Variants in FAM83G observed in about 807,000 individuals in gnomAD.
FAM83G encodes the protein protein FAM83G.
A neutral mutation model predicts 61.5 loss-of-function variants in FAM83G; 38 were observed. That is an observed-to-expected ratio of 0.62 (90% CI 0.48 to 0.81). The LOEUF is 0.81. FAM83G is among the 30% of genes least tolerant of loss of function. FAM83G has a pLI of 0.00. For synonymous variants in FAM83G, 470 were observed against 476.1 expected, an observed-to-expected ratio of 0.99 and a Z score of 0.17; for missense variants, 989 against 1,133.6, an observed-to-expected ratio of 0.87 and a Z score of 1.83.
intron 5 of FAM83G, chr17:18,977,321 G>C (rs1177541801): frequency 1.7e-6 from 1 of 579,852 alleles, no homozygotes; most frequent in African/African-American, 1.9e-5. Flanking sequence ...AGGCTTTGGA[G>C]ACCTCTAGGT....
Position 18,971,770 on chromosome 17 carries a change from G to A in FAM83G, c.2083-22C>T. 1 of 1,535,426 alleles carries A rather than the reference G, an allele frequency of 6.5e-7. No individual in the cohort carries two copies. Among genetic ancestry groups the A allele is most frequent in the Non-Finnish European group, 8.8e-7 (1 of 1,140,346 alleles). ...GGCCCTGGGAGAGAGAGAGCAGAGA[G>A]TGAGGCTGAGCAAGAAGGGCCAACC... On this transcript the variant is annotated intron_variant, in intron 5 of 5. Coordinates refer to ENST00000388995, the MANE Select transcript of FAM83G (RefSeq NM_001039999.3). This position sits in a 1 kb window ranked among gnomAD's most constrained non-coding sequence, Gnocchi z 5.5.
At chr17:18,992,519 C>A (rs2043454204) in intron 2 of FAM83G, among the ~76,000 whole-genome samples, 1 of 152,218 alleles carries the variant, frequency 6.6e-6, no homozygotes, top group South Asian at 2.1e-4. Flanking sequence ...TGGCTGCTGG[C>A]GTTGGGGGTG....
chr17:18,970,972 G>A lies in FAM83G; in HGVS notation c.*387C>T, dbSNP rs1349160638. The A allele has an allele frequency of 1.3e-5, 20 of 1,595,996 alleles. No homozygotes were observed. The highest frequency in any genetic ancestry group is 6.7e-5 in the African/African-American group (5 of 74,544). ...GGGGAGCCCAGGGAGTCAGGGCCCCGCAACCACCAAACTGTCCCTGTTCCA... is the reference window on the plus strand; with the variant it reads ...GGGGAGCCCAGGGAGTCAGGGCCCCACAACCACCAAACTGTCCCTGTTCCA... On this transcript the variant is annotated 3_prime_UTR_variant, in exon 6 of 6. Coordinates refer to ENST00000388995, the MANE Select transcript of FAM83G (RefSeq NM_001039999.3).
intron 4 of FAM83G, 65 bp downstream of exon 4, chr17:18,979,484 G>T: frequency 2.5e-6 from 4 of 1,588,188 alleles, no homozygotes; most frequent in Non-Finnish European, 2.6e-6. Context: ...TTAGGATTAA[G>T]GGCAGAAGCC....
At chr17:18,994,638 C>T (rs113369484) in intron 2 of FAM83G, among the ~76,000 whole-genome samples, 18 of 152,282 alleles carry the variant, frequency 1.2e-4, no homozygotes, top group African/African-American at 4.1e-4. Context: ...AGTGTATGTG[C>T]CCCCAGCCAG....
At chr17:18,995,341 C>G (rs759807426) in intron 2 of FAM83G, among the ~76,000 whole-genome samples, 2 of 151,724 alleles carry the variant, frequency 1.3e-5, no homozygotes, top group East Asian at 3.9e-4. Context: ...ACATTTAAGA[C>G]GAAAAATATA....
intron 3 of FAM83G, among the ~76,000 whole-genome samples, chr17:18,984,893 C>A (rs1776441371): frequency 1.3e-5 from 2 of 152,248 alleles, no homozygotes; most frequent in African/African-American, 2.4e-5. Context: ...GCCACTGGGG[C>A]CGGCCAGGGC....
At position 18,996,475 on chromosome 17, in the gene FAM83G, C is replaced by A. The variant is rs568365516; in HGVS notation, c.522+7045G>T. Among the ~76,000 whole-genome samples the A allele has an allele frequency of 6.6e-6, 1 of 152,124 alleles. No individual in the cohort carries two copies. The highest frequency in any genetic ancestry group is 1.5e-5 in the Non-Finnish European group (1 of 68,004). On this transcript the variant is annotated intron_variant, in intron 2 of 5. Transcript: ENST00000388995. The surrounding 1 kb of genome is among the most constrained non-coding windows in gnomAD (Gnocchi z 4.4). Reference sequence around the variant, plus strand: ...TAGGATCCCTGGGTGGTGCTCCCTGCCACCTCCTGGCAATCTCCAAACCAG... The same window carrying A: ...TAGGATCCCTGGGTGGTGCTCCCTGACACCTCCTGGCAATCTCCAAACCAG...
At position 19,003,103 on chromosome 17, in the gene FAM83G, C is replaced by T. The variant is rs1032938644; in HGVS notation, c.522+417G>A. ...ACTTGGACCATGCCTATTCCCTCAC[C>T]CCACAACAAAAGCTCTCCCCACCAG... On this transcript the variant is annotated intron_variant, in intron 2 of 5. Coordinates refer to ENST00000388995, the MANE Select transcript of FAM83G (RefSeq NM_001039999.3). The surrounding 1 kb of genome is among the most constrained non-coding windows in gnomAD (Gnocchi z 4.5). Among the ~76,000 whole-genome samples the T allele has an allele frequency of 1.3e-5, 2 of 152,016 alleles. No homozygotes were observed. Among genetic ancestry groups the T allele is most frequent in the Middle Eastern group, 3.2e-3 (1 of 316 alleles).
chr17:18,997,995 C>T (rs1399800537), intron 2 of FAM83G, among the ~76,000 whole-genome samples: 1 of 152,256 alleles, frequency 6.6e-6, no homozygotes, highest in Non-Finnish European at 1.5e-5. Context: ...CAACTATCTC[C>T]AAGCAGCCAC....
In FAM83G at chr17:18,978,124, A is replaced by C. The variant is rs779965346; in HGVS notation, c.1542T>G (p.Asp514Glu). 1 of 1,518,120 alleles carries C rather than the reference A, an allele frequency of 6.6e-7. No individual in the cohort carries two copies. Among genetic ancestry groups the C allele is most frequent in the Admixed American group, 2.2e-5 (1 of 46,072 alleles). The allele number at this position is 1,518,120 out of a possible 1,614,324, so 94.0% of individuals were successfully genotyped here. A position where few individuals can be genotyped will look rare whatever the true frequency, so the allele number is the denominator to read the frequency against. Residue 514 changes from aspartate to glutamate, a missense_variant, in exon 5 of 6, where the codon GAT becomes GAG. Transcript: ENST00000388995. ...VPKPRTVPVA[D>E]VLARDSSDIG... ...TATCACTGCTGTCCCGGGCTAGTAC[A>C]TCTGCCACAGGGACTGTCCGGGGCT...
chr17:18,988,201 T>C, intron 3 of FAM83G, 46 bp downstream of exon 3: 1 of 1,591,418 alleles, frequency 6.3e-7, no homozygotes, highest in Middle Eastern at 1.9e-4. Flanking sequence ...ACAGACTGAA[T>C]GACCCCTGCC....
At chr17:18,986,971 C>G (rs2043286571) in intron 3 of FAM83G, among the ~76,000 whole-genome samples, 1 of 152,180 alleles carries the variant, frequency 6.6e-6, no homozygotes, top group Non-Finnish European at 1.5e-5. Flanking sequence ...GGGCTTGGGG[C>G]CAACCCACCA....
At position 18,977,543 on chromosome 17, in the gene FAM83G, GAGGGACTCGTGACCCCTGGTGTGC is replaced by G; in HGVS notation, c.2082+17_2082+40del. 1 of 1,572,296 alleles carries G rather than the reference GAGGGACTCGTGACCCCTGGTGTGC, an allele frequency of 6.4e-7. No individual in the cohort carries two copies. Among genetic ancestry groups the G allele is most frequent in the South Asian group, 1.2e-5 (1 of 86,338 alleles). ...CTCGAGCTCTTGGGTGGCTGGCAGG[GAGGGACTCGTGACCCCTGGTGTGC>G]AGGGACCCTGACCCACCTGTGCCTC... On this transcript the variant is annotated intron_variant, in intron 5 of 5. Transcript: ENST00000388995.
chr17:19,003,387 G>T lies in FAM83G; in HGVS notation c.522+133C>A. 2.0e-6 allele frequency: 2 copies of T among 985,950 alleles called. No homozygotes were observed. The highest frequency in any genetic ancestry group is 2.7e-6 in the Non-Finnish European group (2 of 732,202). The allele number at this position is 985,950 out of a possible 1,614,324, so 61.1% of individuals were successfully genotyped here. On this transcript the variant is annotated intron_variant, in intron 2 of 5. Transcript: ENST00000388995. The surrounding 1 kb of genome is among the most constrained non-coding windows in gnomAD (Gnocchi z 4.5). ...TGGGGAGGAAACCTCCACCCAAGAG[G>T]CAGCCAGGGAAAACAGCAGAGATCC...
Position 18,970,789 on chromosome 17 carries a change from A to C in FAM83G, c.*570T>G. 1.8e-6 allele frequency: 1 copy of C among 567,582 alleles called. No individual in the cohort carries two copies. Among genetic ancestry groups the C allele is most frequent in the South Asian group, 2.2e-5 (1 of 46,190 alleles). 35.2% of individuals were successfully genotyped at this position (567,582 alleles called of 1,614,324 possible). On this transcript the variant is annotated 3_prime_UTR_variant, in exon 6 of 6. Coordinates refer to ENST00000388995, the MANE Select transcript of FAM83G (RefSeq NM_001039999.3). ...GTGCCCATGTGCAAAATGCTTACTT[A>C]ATAGTATTATTTTAAATACGAATAA...
rs573983893 is a variant in FAM83G, at chr17:18,969,972, G to A, written c.*1387C>T. 5 of 152,736 alleles carry A rather than the reference G, an allele frequency of 3.3e-5. No homozygotes were observed. The highest frequency in any genetic ancestry group is 7.3e-5 in the Non-Finnish European group (5 of 68,408). The allele number at this position is 152,736 out of a possible 1,614,324, so 9.5% of individuals were successfully genotyped here. On this transcript the variant is annotated 3_prime_UTR_variant, in exon 6 of 6. Transcript: ENST00000388995. ...CACCGTCCCTGGAAGTATGTAAGCAGAGCCAGGAGGATCCCTCAGAGAGTG... is the reference window on the plus strand; with the variant it reads ...CACCGTCCCTGGAAGTATGTAAGCAAAGCCAGGAGGATCCCTCAGAGAGTG...
At chr17:18,991,775 C>T (rs2043432360) in intron 2 of FAM83G, among the ~76,000 whole-genome samples, 1 of 152,236 alleles carries the variant, frequency 6.6e-6, no homozygotes, top group African/African-American at 2.4e-5. Flanking sequence ...CAGCCCAGCT[C>T]CCAAGTGAAG....
intron 3 of FAM83G, among the ~76,000 whole-genome samples, chr17:18,981,244 G>A (rs376121486): frequency 4.9e-4 from 75 of 152,282 alleles, no homozygotes; most frequent in African/African-American, 1.7e-3. Flanking sequence ...AGGTCACAGG[G>A]GGAGGTGGGG....
Sources: allele counts gnomAD v4.1 joint callset (sites outside exome capture counted in the v4.1 genomes callset), GRCh38; gene constraint gnomAD v4.1.1; non-coding constraint Gnocchi (gnomAD v3.1); transcripts MANE v1.5; gene names NCBI Gene and HGNC (gene_info 2026-07-23, HGNC 2026-07-21).